Variants in RAD51B observed in about 807,000 individuals in gnomAD.
RAD51B encodes the protein DNA repair protein RAD51 homolog 2.
In RAD51B, 38 loss-of-function variants were observed where a neutral mutation model predicts 42.2. The observed-to-expected ratio is 0.90, with a 90% confidence interval of 0.70 to 1.18. The LOEUF (loss-of-function observed/expected upper bound fraction) is 1.18, where lower values mean the gene tolerates loss of function less well. RAD51B is among the 50% of genes most tolerant of loss of function. The pLI, the probability that RAD51B is intolerant of heterozygous loss-of-function variation, is 0.00. For missense variants in RAD51B, 373 were observed against 400.7 expected (o/e 0.93, Z 0.59); for synonymous variants, 154 against 145.2 (o/e 1.06, Z -0.43).
At chr14:68,367,520 A>G (rs929792198) in intron 8 of RAD51B, among the ~76,000 whole-genome samples, 1 of 152,258 alleles carries the variant, frequency 6.6e-6, no homozygotes, top group Non-Finnish European at 1.5e-5. Flanking sequence ...AGGCTGACAG[A>G]CATTTGAAAG....
At chr14:68,404,444 AACAATCATTT>A (rs2140060912) in intron 8 of RAD51B, among the ~76,000 whole-genome samples, 1 of 152,346 alleles carries the variant, frequency 6.6e-6, no homozygotes, top group Non-Finnish European at 1.5e-5. Flanking sequence ...CAACAGCATT[AACAATCATTT>A]ATGCCAGCCC....
At chr14:68,528,189 G>A (rs1266575512) in intron 10 of RAD51B, among the ~76,000 whole-genome samples, 1 of 152,140 alleles carries the variant, frequency 6.6e-6, no homozygotes, top group African/African-American at 2.4e-5. Context: ...ATGGTTTCTA[G>A]CCCATCATAA....
intron 9 of RAD51B, 34 bp downstream of exon 9, chr14:68,411,561 G>A: frequency 1.3e-6 from 2 of 1,586,434 alleles, no homozygotes; most frequent in African/African-American, 1.3e-5. Context: ...TGACTATGAA[G>A]GTCGGGGAAT....
chr14:68,326,045 T>C lies in RAD51B; in HGVS notation c.853+34065T>C, dbSNP rs551391051. 5.0e-5 allele frequency among the ~76,000 whole-genome samples: 7 copies of C among 140,950 alleles called. 1 individual carries two copies. The highest frequency in any genetic ancestry group is 4.8e-4 in the South Asian group (2 of 4,196). 92.5% of individuals were successfully genotyped at this position (140,950 alleles called of 152,430 possible). A position where few individuals can be genotyped will look rare whatever the true frequency, so the allele number is the denominator to read the frequency against. On this transcript the variant is annotated intron_variant, in intron 8 of 10. Coordinates refer to ENST00000471583, the MANE Select transcript of RAD51B (RefSeq NM_133510.4). Reference sequence around the variant, plus strand: ...TGTTATTCTTTTTCTTTTCTTTTTTTTTTTTTTTTTTTGAGACGGAGTTTC... The same window carrying C: ...TGTTATTCTTTTTCTTTTCTTTTTTCTTTTTTTTTTTTGAGACGGAGTTTC...
At chr14:68,091,711 C>G (rs2077102617) in intron 7 of RAD51B, among the ~76,000 whole-genome samples, 1 of 152,170 alleles carries the variant, frequency 6.6e-6, no homozygotes, top group Non-Finnish European at 1.5e-5. Context: ...AATTAGATCC[C>G]ATTTGTCAAT....
chr14:68,433,770 C>G (rs1440951021), intron 9 of RAD51B, among the ~76,000 whole-genome samples: 3 of 152,168 alleles, frequency 2.0e-5, no homozygotes, highest in Non-Finnish European at 4.4e-5. Context: ...CTCCGTCCAG[C>G]TTTGTTCCAT....
chr14:68,574,489 A>C (rs1272775187), intron 10 of RAD51B, among the ~76,000 whole-genome samples: 1 of 152,234 alleles, frequency 6.6e-6, no homozygotes. Context: ...AAAATAATCC[A>C]ACTGAGACAT....
At chr14:68,398,764 G>C (rs922781626) in intron 8 of RAD51B, among the ~76,000 whole-genome samples, 2 of 152,136 alleles carry the variant, frequency 1.3e-5, no homozygotes, top group African/African-American at 2.4e-5. Context: ...AGATTAAAAG[G>C]ACACAGAGCC....
chr14:67,997,048 G>A (rs1306354972), intron 7 of RAD51B, among the ~76,000 whole-genome samples: 2 of 152,152 alleles, frequency 1.3e-5, no homozygotes, highest in Admixed American at 1.3e-4. Flanking sequence ...GAAGGCTGTG[G>A]GTAGAACAGG....
chr14:68,523,635 C>A (rs890202581), intron 10 of RAD51B, among the ~76,000 whole-genome samples: 1 of 152,144 alleles, frequency 6.6e-6, no homozygotes, highest in Admixed American at 6.5e-5. Context: ...ATCATTTACC[C>A]CCTCAACAGT....
chr14:68,322,328 A>G (rs1303971170), intron 8 of RAD51B, among the ~76,000 whole-genome samples: 1 of 152,070 alleles, frequency 6.6e-6, no homozygotes. Flanking sequence ...AGCTTGATGG[A>G]TCTCTTCTCA....
At chr14:68,496,392 A>G (rs1313820447) in intron 10 of RAD51B, among the ~76,000 whole-genome samples, 1 of 152,118 alleles carries the variant, frequency 6.6e-6, no homozygotes, top group Non-Finnish European at 1.5e-5. Context: ...ACCTGTGTCC[A>G]TGCCTCTGGG....
chr14:68,474,613 G>T (rs945956535), intron 10 of RAD51B, among the ~76,000 whole-genome samples: 2 of 152,220 alleles, frequency 1.3e-5, no homozygotes, highest in African/African-American at 4.8e-5. Flanking sequence ...CCTCAGCCTG[G>T]GCTCCTAAGA....
rs531200203 is a variant in RAD51B, at chr14:68,427,077, G to T, written c.957+15550G>T. Among the ~76,000 whole-genome samples, 3 of 152,368 alleles carry T rather than the reference G, an allele frequency of 2.0e-5. No individual in the cohort carries two copies. The East Asian group carries it at 5.8e-4, about 29-fold the overall frequency. On this transcript the variant is annotated intron_variant, in intron 9 of 10. Coordinates refer to ENST00000471583, the MANE Select transcript of RAD51B (RefSeq NM_133510.4). The stretch of plus-strand genomic sequence containing the variant: ...TGCCCACATAGTGCTAATTCTGCAG[G>T]CATGCAGAATGTATGAGCTCTTAGG...
intron 8 of RAD51B, chr14:68,338,809 C>T: frequency 1.7e-6 from 1 of 581,930 alleles, no homozygotes; most frequent in Non-Finnish European, 3.3e-6. Flanking sequence ...AGACCCAGGA[C>T]ATTGCCTCCC....
intron 7 of RAD51B, among the ~76,000 whole-genome samples, chr14:68,138,843 C>T (rs1207516235): frequency 1.3e-5 from 2 of 152,126 alleles, no homozygotes; most frequent in South Asian, 4.1e-4. Context: ...GCTTTTCTAT[C>T]TTCATTCAAT....
intron 7 of RAD51B, among the ~76,000 whole-genome samples, chr14:68,143,775 A>G (rs2078190227): frequency 6.6e-6 from 1 of 152,178 alleles, no homozygotes; most frequent in South Asian, 2.1e-4. Flanking sequence ...GAGGAAGCGC[A>G]GGGTGGTTGG....
At chr14:67,975,417 A>G (rs534948643) in intron 7 of RAD51B, among the ~76,000 whole-genome samples, 10 of 152,350 alleles carry the variant, frequency 6.6e-5, no homozygotes, top group African/African-American at 1.9e-4. Context: ...AAAGCCTTCC[A>G]TAAACCAGCC....
At chr14:67,865,892 A>T (rs1475345728) in intron 5 of RAD51B, among the ~76,000 whole-genome samples, 1 of 152,196 alleles carries the variant, frequency 6.6e-6, no homozygotes, top group Non-Finnish European at 1.5e-5. Context: ...GGAATGATAG[A>T]ATATCACCAA....
Sources: gnomAD v4.1 joint callset for allele counts (sites outside exome capture counted in the v4.1 genomes callset) on GRCh38, gnomAD v4.1.1 for gene constraint, MANE v1.5 for transcripts, NCBI Gene and HGNC (gene_info 2026-07-23, HGNC 2026-07-21) for gene names.